MAGI2: variants seen among roughly 807,000 people sequenced by gnomAD.
The protein encoded by MAGI2 is membrane associated guanylate kinase, WW and PDZ domain containing 2, also known as membrane-associated guanylate kinase, WW and PDZ domain-containing protein 2.
Under a neutral mutation model 133.3 loss-of-function variants are expected in MAGI2, and 35 were observed. The observed-to-expected ratio is 0.26, with a 90% CI of 0.20 to 0.35. The LOEUF is 0.35. MAGI2 is among the 10% of genes least tolerant of loss of function. MAGI2 has a pLI of 1.00. For synonymous variants in MAGI2, 729 were observed against 710.6 expected (o/e 1.03, Z -0.41); for missense variants, 1,636 against 1,863.4 (o/e 0.88, Z 2.25).
Position 78,438,992 on chromosome 7 carries a change from A to G in MAGI2, c.1045+50769T>C, listed in dbSNP as rs147915951. 5.3e-4 allele frequency among the ~76,000 whole-genome samples: 81 copies of G among 152,312 alleles called. 1 individual carries two copies. The highest frequency in any genetic ancestry group is 1.9e-3 in the African/African-American group (79 of 41,588). ...GTGCATCAAGACATCTAAGGTTTAT[A>G]ACGTAACTACCTTGAACTACCTGTT... is the stretch of plus-strand genomic sequence containing the variant. On this transcript the variant is annotated intron_variant, in intron 6 of 21. Coordinates refer to ENST00000354212, the MANE Select transcript of MAGI2 (RefSeq NM_012301.4).
chr7:79,406,040 C>G (rs940959023), intron 1 of MAGI2, among the ~76,000 whole-genome samples: 2 of 151,624 alleles, frequency 1.3e-5, no homozygotes, highest in African/African-American at 2.4e-5. Flanking sequence ...GCATTTGACT[C>G]TATAGAATAC....
intron 1 of MAGI2, among the ~76,000 whole-genome samples, chr7:79,213,775 T>C (rs1173203617): frequency 2.0e-5 from 3 of 152,054 alleles, no homozygotes; most frequent in Non-Finnish European, 4.4e-5. Flanking sequence ...CCCAGCCCTT[T>C]TTTCTTTTTA....
At chr7:78,052,709 C>G (rs889731582) in intron 21 of MAGI2, among the ~76,000 whole-genome samples, 6 of 152,210 alleles carry the variant, frequency 3.9e-5, no homozygotes, top group African/African-American at 1.4e-4. Context: ...CCAAGAGTGG[C>G]TCCCAAAGCT....
At chr7:79,355,009 T>C (rs947308670) in intron 1 of MAGI2, among the ~76,000 whole-genome samples, 8 of 152,228 alleles carry the variant, frequency 5.3e-5, no homozygotes, top group Non-Finnish European at 1.0e-4. Context: ...ACCTGAGGAA[T>C]ACCACAGGGC....
At position 78,177,741 on chromosome 7, in the gene MAGI2, G is replaced by A. The variant is rs189238180; in HGVS notation, c.2403+270C>T. On this transcript the variant is annotated intron_variant, in intron 14 of 21. Transcript: ENST00000354212. ...CAGGGGTTCAGTGCAATTAGATAAC[G>A]AAAATACTCAAGAGGAATTCAATCG... Among the ~76,000 whole-genome samples, 27 of 152,094 alleles carry A rather than the reference G, an allele frequency of 1.8e-4. No homozygotes were observed. In the East Asian group the frequency reaches 4.4e-3, roughly 25 times the overall value.
chr7:78,273,825 G>A (rs555545787), intron 9 of MAGI2, among the ~76,000 whole-genome samples: 1 of 152,164 alleles, frequency 6.6e-6, no homozygotes, highest in South Asian at 2.1e-4. Context: ...ATTTTGGTTA[G>A]CAATTCATCT....
intron 1 of MAGI2, among the ~76,000 whole-genome samples, chr7:79,136,003 G>GAGAAAGAAAGAAAGAAAGAAAGAAAGAA (rs1554375907): frequency 1.5e-4 from 6 of 40,922 alleles, no homozygotes; most frequent in Non-Finnish European, 2.0e-4. Flanking sequence ...AAGAAAGAAA[G>GAGAAAGAAAGAAAGAAAGAAAGAAAGAA]AGAAAGAAAG....
chr7:78,098,815 T>C (rs1181616498), intron 20 of MAGI2, among the ~76,000 whole-genome samples: 2 of 152,190 alleles, frequency 1.3e-5, no homozygotes, highest in African/African-American at 4.8e-5. Flanking sequence ...TATAAAGTGC[T>C]ATCTTACTGC....
At chr7:79,446,803 T>C (rs1848882782) in intron 1 of MAGI2, among the ~76,000 whole-genome samples, 1 of 152,016 alleles carries the variant, frequency 6.6e-6, no homozygotes, top group East Asian at 1.9e-4. Context: ...ACAAAAACAT[T>C]AACCGGGCGT....
intron 12 of MAGI2, among the ~76,000 whole-genome samples, chr7:78,192,541 A>G (rs1272199229): frequency 1.9e-5 from 2 of 104,780 alleles, no homozygotes; most frequent in East Asian, 5.8e-4. Context: ...TTTTTTTTTA[A>G]GACACTCACA....
At chr7:78,826,366 AAAAAAAGAGTATATTAATAAGT>A (rs1790649632) in intron 2 of MAGI2, among the ~76,000 whole-genome samples, 1 of 151,590 alleles carries the variant, frequency 6.6e-6, no homozygotes, top group Non-Finnish European at 1.5e-5. Flanking sequence ...AAAAAAAAAA[AAAAAAAGAGTATATTAATAAGT>A]AAAAAAGAAA....
chr7:78,924,341 T>C (rs1563669975), intron 2 of MAGI2, among the ~76,000 whole-genome samples: 2 of 152,174 alleles, frequency 1.3e-5, no homozygotes, highest in African/African-American at 4.8e-5. Context: ...TTCTCATAGA[T>C]AGCTCTTATT....
chr7:79,155,326 T>A (rs538604640), intron 1 of MAGI2, among the ~76,000 whole-genome samples: 1 of 152,292 alleles, frequency 6.6e-6, no homozygotes, highest in East Asian at 1.9e-4. Context: ...CAGTATATTT[T>A]ACAATCAGCA....
At chr7:78,509,499 G>A (rs1795387039) in intron 4 of MAGI2, 2 of 152,174 alleles carry the variant, frequency 1.3e-5, no homozygotes, top group South Asian at 2.1e-4. Context: ...GGAACTGAAA[G>A]CGTTTAATTG....
chr7:78,647,756 T>C (rs551604242), intron 2 of MAGI2, among the ~76,000 whole-genome samples: 2 of 152,254 alleles, frequency 1.3e-5, no homozygotes, highest in East Asian at 1.9e-4. Context: ...CAAATGTCCA[T>C]GAATAATAGA....
chr7:78,689,954 T>C (rs943533778), intron 2 of MAGI2, among the ~76,000 whole-genome samples: 4 of 152,152 alleles, frequency 2.6e-5, no homozygotes. Context: ...CATGTTTATC[T>C]TTTTAATAAT....
intron 6 of MAGI2, among the ~76,000 whole-genome samples, chr7:78,428,513 C>T (rs1799496278): frequency 6.6e-6 from 1 of 152,132 alleles, no homozygotes; most frequent in Admixed American, 6.6e-5. Context: ...CATGTAATTT[C>T]CTTCACAAAC....
intron 21 of MAGI2, among the ~76,000 whole-genome samples, chr7:78,035,410 T>C (rs1810103028): frequency 7.2e-6 from 1 of 138,402 alleles, no homozygotes; most frequent in East Asian, 2.1e-4. Context: ...GCTTGTGTGA[T>C]GGTGGATGGT....
chr7:78,339,946 C>T (rs952438775), intron 9 of MAGI2, among the ~76,000 whole-genome samples: 3 of 152,148 alleles, frequency 2.0e-5, no homozygotes, highest in Non-Finnish European at 1.5e-5. Flanking sequence ...GTTATTTATA[C>T]AGAAACTATA....
Sources: allele counts gnomAD v4.1 joint callset (sites outside exome capture counted in the v4.1 genomes callset), GRCh38; gene constraint gnomAD v4.1.1; transcripts MANE v1.5; gene names NCBI Gene and HGNC (gene_info 2026-07-23, HGNC 2026-07-21).